Variants in FBXL17 observed in about 807,000 individuals in gnomAD.
The protein encoded by FBXL17 is F-box and leucine rich repeat protein 17.
A neutral mutation model predicts 66.2 loss-of-function variants in FBXL17; 22 were observed. The observed-to-expected ratio is 0.33, with a 90% CI of 0.24 to 0.47. The LOEUF is 0.47. Ranked by LOEUF, FBXL17 falls within the 20% of genes least tolerant of loss-of-function variation. The pLI, the probability that FBXL17 is intolerant of heterozygous loss-of-function variation, is 1.00. For missense variants in FBXL17, 878 were observed against 948.2 expected (o/e 0.93, Z 0.97); for synonymous variants, 474 against 400.5 (o/e 1.18, Z -2.19).
At chr5:107,921,062 T>C (rs1455110370) in intron 7 of FBXL17, among the ~76,000 whole-genome samples, 1 of 152,142 alleles carries the variant, frequency 6.6e-6, no homozygotes, top group African/African-American at 2.4e-5. Context: ...ATTCAAAGGG[T>C]AAATGATTTA....
chr5:108,022,688 A>G (rs2112767775), intron 6 of FBXL17, among the ~76,000 whole-genome samples: 1 of 152,216 alleles, frequency 6.6e-6, no homozygotes, highest in Admixed American at 6.5e-5. Context: ...GCAATATCCT[A>G]TTTATCTTCC....
chr5:107,864,639 G>T (rs760156869), intron 8 of FBXL17, among the ~76,000 whole-genome samples: 2 of 152,050 alleles, frequency 1.3e-5, no homozygotes, highest in Non-Finnish European at 2.9e-5. Context: ...TCGAGATCTG[G>T]TTGTTTAAAA....
chr5:108,261,102 T>C (rs1299525107), intron 4 of FBXL17, among the ~76,000 whole-genome samples: 1 of 151,950 alleles, frequency 6.6e-6, no homozygotes, highest in African/African-American at 2.4e-5. Flanking sequence ...GTAGGATAAA[T>C]ACAGTTATAG....
chr5:108,147,136 T>A (rs186388224), intron 6 of FBXL17, among the ~76,000 whole-genome samples: 21 of 152,188 alleles, frequency 1.4e-4, no homozygotes, highest in South Asian at 2.1e-4. Context: ...CTTAATACTA[T>A]TACAGTGGTT....
intron 6 of FBXL17, among the ~76,000 whole-genome samples, chr5:108,134,308 G>A (rs925346214): frequency 1.3e-5 from 2 of 152,140 alleles, no homozygotes; most frequent in Non-Finnish European, 2.9e-5. Flanking sequence ...GAGAGCCAGA[G>A]TGAGTCCTCT....
intron 4 of FBXL17, among the ~76,000 whole-genome samples, chr5:108,341,872 G>C (rs769329237): frequency 6.6e-6 from 1 of 152,048 alleles, no homozygotes; most frequent in Non-Finnish European, 1.5e-5. Flanking sequence ...ATGTCTGCTT[G>C]CATATTCATC....
intron 4 of FBXL17, among the ~76,000 whole-genome samples, chr5:108,331,219 G>A (rs964432394): frequency 6.6e-6 from 1 of 152,104 alleles, no homozygotes; most frequent in Non-Finnish European, 1.5e-5. Flanking sequence ...ACCATTCTAA[G>A]TACCGACTAT....
intron 4 of FBXL17, among the ~76,000 whole-genome samples, chr5:108,331,444 GA>G (rs1561533777): frequency 6.6e-6 from 1 of 152,150 alleles, no homozygotes; most frequent in Non-Finnish European, 1.5e-5. Context: ...AGCTGTTACA[GA>G]AAAAGAAAGA....
chr5:108,097,145 G>T (rs1421028154), intron 6 of FBXL17, among the ~76,000 whole-genome samples: 2 of 151,950 alleles, frequency 1.3e-5, no homozygotes, highest in Non-Finnish European at 2.9e-5. Context: ...AAGATCTGCT[G>T]GTTTTATAAA....
chr5:107,958,832 G>A (rs933505906), intron 7 of FBXL17, among the ~76,000 whole-genome samples: 2 of 152,018 alleles, frequency 1.3e-5, no homozygotes, highest in African/African-American at 4.8e-5. Context: ...GAAATTAAAT[G>A]GAAAATAATC....
chr5:108,268,816 T>TA (rs1415460816), intron 4 of FBXL17, among the ~76,000 whole-genome samples: 1 of 152,020 alleles, frequency 6.6e-6, no homozygotes, highest in Admixed American at 6.6e-5. Flanking sequence ...ACTACCATCT[T>TA]AGAGTTTTTA....
intron 7 of FBXL17, among the ~76,000 whole-genome samples, chr5:108,010,871 A>G (rs1754149846): frequency 6.6e-6 from 1 of 152,232 alleles, no homozygotes; most frequent in East Asian, 1.9e-4. Context: ...CATATTTTAA[A>G]AACTGGAAAA....
intron 7 of FBXL17, among the ~76,000 whole-genome samples, chr5:107,981,262 T>A (rs1241089155): frequency 1.3e-5 from 2 of 152,174 alleles, no homozygotes; most frequent in East Asian, 3.9e-4. Context: ...TGAAAATGAA[T>A]CCTATGGACT....
At position 108,292,689 on chromosome 5, in the gene FBXL17, T is replaced by C. The variant is rs912507578; in HGVS notation, c.1506+55710A>G. Among the ~76,000 whole-genome samples, 8 of 152,214 alleles carry C rather than the reference T, an allele frequency of 5.3e-5. No individual in the cohort carries two copies. In the South Asian group the frequency reaches 6.2e-4, roughly 12 times the overall value. On this transcript the variant is annotated intron_variant, in intron 4 of 8. Transcript: ENST00000542267. ...GTCTTTTCAATCATGCCTTATTACA[T>C]AGCACTTAGAACATCACATTTTAAT...
At chr5:108,249,028 C>A (rs1190763134) in intron 4 of FBXL17, among the ~76,000 whole-genome samples, 2 of 152,072 alleles carry the variant, frequency 1.3e-5, no homozygotes, top group South Asian at 2.1e-4. Context: ...TGGATTAATA[C>A]AATAGACTTT....
intron 7 of FBXL17, among the ~76,000 whole-genome samples, chr5:107,957,259 G>A (rs915001413): frequency 2.0e-5 from 3 of 152,126 alleles, no homozygotes; most frequent in African/African-American, 7.2e-5. Flanking sequence ...CAGGAAGAGT[G>A]GGTGTAAACG....
intron 8 of FBXL17, chr5:107,879,638 G>A (rs764440028): frequency 6.0e-5 from 59 of 985,248 alleles, no homozygotes; most frequent in Non-Finnish European, 7.0e-5. Flanking sequence ...AAGAGCTTTG[G>A]GCCATACTTC....
chr5:108,124,268 T>G (rs1194787761), intron 6 of FBXL17, among the ~76,000 whole-genome samples: 1 of 151,980 alleles, frequency 6.6e-6, no homozygotes, highest in African/African-American at 2.4e-5. Flanking sequence ...GCATGGCAAT[T>G]TCATAAGATA....
intron 4 of FBXL17, among the ~76,000 whole-genome samples, chr5:108,318,694 A>C (rs1007629478): frequency 6.6e-6 from 1 of 151,930 alleles, no homozygotes; most frequent in African/African-American, 2.4e-5. Context: ...TACAGGATTA[A>C]GAGCCAGAAT....
Sources: gnomAD v4.1 joint callset for allele counts (sites outside exome capture counted in the v4.1 genomes callset) on GRCh38, gnomAD v4.1.1 for gene constraint, MANE v1.5 for transcripts, NCBI Gene and HGNC (gene_info 2026-07-23, HGNC 2026-07-21) for gene names.